Variants in CHCHD6 observed in about 807,000 individuals in gnomAD.
CHCHD6 encodes MICOS complex subunit MIC25.
Under a neutral mutation model 32.3 loss-of-function variants are expected in CHCHD6, and 28 were observed. That is an observed-to-expected ratio of 0.87 (90% confidence interval 0.64 to 1.19). The LOEUF (loss-of-function observed/expected upper bound fraction) is 1.19. CHCHD6 is among the 50% of genes most tolerant of loss of function. The probability of loss-of-function intolerance (pLI) is 0.00; values close to 1 mark genes in which losing one functional copy is unlikely to be tolerated. For missense variants in CHCHD6, 333 were observed against 307.0 expected, an observed-to-expected ratio of 1.08 and a Z score of -0.63; for synonymous variants, 122 against 117.5, an observed-to-expected ratio of 1.04 and a Z score of -0.25.
chr3:126,959,660 A>T (rs1347437126), intron 7 of CHCHD6, among the ~76,000 whole-genome samples: 1 of 152,162 alleles, frequency 6.6e-6, no homozygotes, highest in Non-Finnish European at 1.5e-5. Context: ...CAGGTAGGTG[A>T]TGCCTAGGCC....
At chr3:126,947,568 C>T (rs995373829) in intron 6 of CHCHD6, among the ~76,000 whole-genome samples, 3 of 152,180 alleles carry the variant, frequency 2.0e-5, no homozygotes, top group African/African-American at 7.2e-5. Context: ...TCTGTGACTG[C>T]GGGCCAGTCA....
intron 1 of CHCHD6, among the ~76,000 whole-genome samples, chr3:126,707,261 T>TAAA (rs74269416): frequency 7.4e-6 from 1 of 135,426 alleles, no homozygotes; most frequent in African/African-American, 2.8e-5. Flanking sequence ...GACTCCGTCT[T>TAAA]AAAAAAAAAA....
rs536564665 is a variant in CHCHD6 at position 126,879,334 on chromosome 3, A to G, written c.495+26604A>G. Among the ~76,000 whole-genome samples, 43 of 152,312 alleles carry G rather than the reference A, an allele frequency of 2.8e-4. No individual in the cohort carries two copies. The South Asian group carries it at 4.4e-3, about 15-fold the overall frequency. Reference sequence around the variant, plus strand: ...GACATTGCTGTGGCCATTGCTGGAAAATATCTGCCATGGGATCTTATAATG... The same window carrying G: ...GACATTGCTGTGGCCATTGCTGGAAGATATCTGCCATGGGATCTTATAATG... On this transcript the variant is annotated intron_variant, in intron 5 of 7. Coordinates refer to ENST00000290913, the MANE Select transcript of CHCHD6 (RefSeq NM_032343.3).
intron 1 of CHCHD6, among the ~76,000 whole-genome samples, chr3:126,710,930 G>C (rs1934721110): frequency 6.6e-6 from 1 of 151,904 alleles, no homozygotes; most frequent in African/African-American, 2.4e-5. Flanking sequence ...TTTCCCTCTT[G>C]CTTTGGCTAG....
intron 6 of CHCHD6, among the ~76,000 whole-genome samples, chr3:126,933,353 C>T (rs1377402903): frequency 6.6e-6 from 1 of 152,148 alleles, no homozygotes; most frequent in Non-Finnish European, 1.5e-5. Flanking sequence ...CTTTTGGTGG[C>T]AAGTTAAATT....
At chr3:126,755,342 T>C (rs886166641) in intron 4 of CHCHD6, among the ~76,000 whole-genome samples, 1 of 152,158 alleles carries the variant, frequency 6.6e-6, no homozygotes, top group Non-Finnish European at 1.5e-5. Flanking sequence ...AGGGTGAGGC[T>C]AGGTGGCCTG....
At chr3:126,765,017 G>A (rs1343144100) in intron 4 of CHCHD6, among the ~76,000 whole-genome samples, 1 of 152,142 alleles carries the variant, frequency 6.6e-6, no homozygotes, top group Non-Finnish European at 1.5e-5. Flanking sequence ...AAGGGCGGGA[G>A]TCACGGTAAG....
chr3:126,896,223 A>G (rs985754953), intron 5 of CHCHD6, among the ~76,000 whole-genome samples: 8 of 152,210 alleles, frequency 5.3e-5, no homozygotes, highest in Admixed American at 2.0e-4. Context: ...TTTCAAAGCA[A>G]TTTTATCTTC....
intron 4 of CHCHD6, among the ~76,000 whole-genome samples, chr3:126,831,405 G>A (rs976560753): frequency 6.6e-6 from 1 of 152,182 alleles, no homozygotes; most frequent in African/African-American, 2.4e-5. Context: ...GGGCAAGCTT[G>A]CCTCTTCTGC....
chr3:126,779,682 C>T (rs1937836279), intron 4 of CHCHD6, among the ~76,000 whole-genome samples: 1 of 152,078 alleles, frequency 6.6e-6, no homozygotes, highest in African/African-American at 2.4e-5. Flanking sequence ...TCCAGTTGTC[C>T]CAGCACTATT....
intron 1 of CHCHD6, among the ~76,000 whole-genome samples, chr3:126,726,534 C>T (rs1290020920): frequency 4.0e-5 from 6 of 148,946 alleles, no homozygotes; most frequent in African/African-American, 1.5e-4. Flanking sequence ...GCAGGCTTGC[C>T]ACAGACCTTC....
At chr3:126,897,160 C>T (rs2077852715) in intron 5 of CHCHD6, among the ~76,000 whole-genome samples, 2 of 152,158 alleles carry the variant, frequency 1.3e-5, no homozygotes, top group South Asian at 4.1e-4. Flanking sequence ...CAGGGTCCCC[C>T]AGCTGGCACA....
chr3:126,935,018 C>A, intron 6 of CHCHD6: 1 of 451,256 alleles, frequency 2.2e-6, no homozygotes, highest in Non-Finnish European at 2.9e-6. Context: ...TTTTATGAAA[C>A]AGTTCCATTT....
At chr3:126,957,250 C>G (rs1282478556) in intron 6 of CHCHD6, 166 bp from the exon 7 acceptor site, 3 of 770,626 alleles carry the variant, frequency 3.9e-6, no homozygotes, top group Non-Finnish European at 6.3e-6. Context: ...CCTCTCATTT[C>G]TAGAACGGGA....
chr3:126,878,771 A>G (rs556461818), intron 5 of CHCHD6, among the ~76,000 whole-genome samples: 17 of 152,348 alleles, frequency 1.1e-4, no homozygotes, highest in African/African-American at 3.8e-4. Context: ...CCTTCAGATT[A>G]TGTATTATAG....
chr3:126,863,831 T>C (rs1352162245), intron 5 of CHCHD6, among the ~76,000 whole-genome samples: 5 of 90,032 alleles, frequency 5.6e-5, no homozygotes, highest in African/African-American at 8.7e-5. Flanking sequence ...TCCTCTACCA[T>C]CACCACCTCC....
At chr3:126,863,563 T>C (rs1472606111) in intron 5 of CHCHD6, among the ~76,000 whole-genome samples, 1 of 111,156 alleles carries the variant, frequency 9.0e-6, no homozygotes. Context: ...CACCTCCTCC[T>C]CCACCATCAC....
intron 5 of CHCHD6, among the ~76,000 whole-genome samples, chr3:126,895,038 A>G (rs890894122): frequency 6.6e-6 from 1 of 152,228 alleles, no homozygotes; most frequent in African/African-American, 2.4e-5. Context: ...ATATTCAAGC[A>G]TATACTTTAC....
chr3:126,777,608 C>T (rs1203372466), intron 4 of CHCHD6, among the ~76,000 whole-genome samples: 1 of 152,142 alleles, frequency 6.6e-6, no homozygotes, highest in African/African-American at 2.4e-5. Flanking sequence ...GCATACTTCC[C>T]ACTCCATACT....
Sources: allele counts gnomAD v4.1 joint callset (sites outside exome capture counted in the v4.1 genomes callset), GRCh38; gene constraint gnomAD v4.1.1; transcripts MANE v1.5; gene names NCBI Gene and HGNC (gene_info 2026-07-23, HGNC 2026-07-21).